MAD2L1BP: variants seen among roughly 807,000 people sequenced by gnomAD.
MAD2L1BP encodes the protein MAD2L1-binding protein.
A neutral mutation model predicts 28.4 loss-of-function variants in MAD2L1BP; 22 were observed. The ratio of observed to expected loss-of-function variants is 0.77; its 90% CI spans 0.55 to 1.10. MAD2L1BP has a LOEUF of 1.10. Among genes scored for constraint, MAD2L1BP ranks in the 50% least tolerant of loss-of-function variants. The probability of loss-of-function intolerance (pLI) is 0.00; values close to 1 mark genes in which losing one functional copy is unlikely to be tolerated. For missense variants in MAD2L1BP, 325 were observed against 350.5 expected (o/e 0.93, Z 0.58); for synonymous variants, 146 against 133.7 (o/e 1.09, Z -0.63).
chr6:43,634,623 C>G (rs1024035989), upstream of MAD2L1BP, among the ~76,000 whole-genome samples: 1 of 151,834 alleles, frequency 6.6e-6, no homozygotes, highest in South Asian at 2.1e-4. Context: ...TATAGTGGTG[C>G]GATCTCAGCT....
At chr6:43,629,774 G>T (rs1266162182) in intron 1 of MAD2L1BP, 1 of 1,563,206 alleles carries the variant, frequency 6.4e-7, no homozygotes. Context: ...GCTGGGGTGA[G>T]TCAGGGCGAA....
intron 2 of MAD2L1BP, among the ~76,000 whole-genome samples, 173 bp from the exon 3 acceptor site, chr6:43,639,848 T>C (rs919149902): frequency 2.6e-5 from 4 of 152,240 alleles, no homozygotes; most frequent in Non-Finnish European, 4.4e-5. Flanking sequence ...ATAATATATT[T>C]TCCTTTTCAG....
chr6:43,637,090 GTCTC>G (rs565947778), intron 2 of MAD2L1BP, among the ~76,000 whole-genome samples: 1 of 151,626 alleles, frequency 6.6e-6, no homozygotes. Context: ...TTGAGACAGA[GTCTC>G]TCTCTTGTTG....
Position 43,635,853 on chromosome 6 carries a change from G to A in MAD2L1BP, c.-23G>A, listed in dbSNP as rs1415363154. The stretch of plus-strand genomic sequence containing the variant: ...CGCGAGACCTTTATTCTAACCGCAA[G>A]GAGTAGCGGAGGGGAGGTCGTGATG... On this transcript the variant is annotated 5_prime_UTR_variant, in exon 1 of 3. Coordinates refer to ENST00000372171, the MANE Select transcript of MAD2L1BP (RefSeq NM_014628.3). 3.1e-5 allele frequency: 46 copies of A among 1,467,262 alleles called. No individual in the cohort carries two copies. Among genetic ancestry groups the A allele is most frequent in the Non-Finnish European group, 3.8e-5 (42 of 1,114,818 alleles). The allele number at this position is 1,467,262 out of a possible 1,614,324, so 90.9% of individuals were successfully genotyped here.
At chr6:43,633,360 C>T (rs1474819058), upstream of MAD2L1BP, 4 of 310,574 alleles carry the variant, frequency 1.3e-5, no homozygotes, top group African/African-American at 4.6e-5. Context: ...TTAGTAGAGA[C>T]GGGGTTTCTC....
At chr6:43,633,172 CTTTTTTT>C (rs547697381), upstream of MAD2L1BP, 7 of 393,638 alleles carry the variant, frequency 1.8e-5, no homozygotes, top group African/African-American at 1.4e-4. Context: ...AATCATTGTA[CTTTTTTT>C]TTTTTTTTTT....
exon 1 of MAD2L1BP, chr6:43,629,625 C>A: frequency 1.0e-6 from 1 of 993,842 alleles, no homozygotes. Flanking sequence ...GCTTTGTGGG[C>A]GCTCCGGGAT....
chr6:43,636,062 G>A, intron 1 of MAD2L1BP, 141 bp downstream of exon 1: 4 of 888,784 alleles, frequency 4.5e-6, no homozygotes, highest in Non-Finnish European at 7.0e-6. Context: ...CTCTGGCTGT[G>A]ACTCCATCGC....
At chr6:43,636,941 G>C (rs1770260054) in intron 2 of MAD2L1BP, 1 of 290,662 alleles carries the variant, frequency 3.4e-6, no homozygotes, top group Admixed American at 4.8e-5. Context: ...GCAGTGGCGA[G>C]ATCTCAGCTC....
chr6:43,634,888 T>C (rs1770116243), upstream of MAD2L1BP, among the ~76,000 whole-genome samples: 1 of 152,116 alleles, frequency 6.6e-6, no homozygotes, highest in Non-Finnish European at 1.5e-5. Context: ...TTCCTCCTCC[T>C]CCTTGTAAAT....
chr6:43,635,289 T>G (rs1770136720), upstream of MAD2L1BP, among the ~76,000 whole-genome samples: 1 of 152,208 alleles, frequency 6.6e-6, no homozygotes, highest in Admixed American at 6.5e-5. Flanking sequence ...GAGTATGCTC[T>G]TGTCTCAAGG....
At chr6:43,639,398 CAA>C (rs1770444100) in intron 2 of MAD2L1BP, among the ~76,000 whole-genome samples, 2 of 152,246 alleles carry the variant, frequency 1.3e-5, no homozygotes, top group African/African-American at 2.4e-5. Flanking sequence ...CTCGGCCTCT[CAA>C]AGTGCTGGGA....
intron 2 of MAD2L1BP, among the ~76,000 whole-genome samples, chr6:43,637,285 G>A (rs555113930): frequency 6.6e-6 from 1 of 151,914 alleles, no homozygotes; most frequent in East Asian, 1.9e-4. Context: ...GGCTGGTCTC[G>A]AACTCCTGAC....
In MAD2L1BP at chr6:43,640,887, A is replaced by G. The variant is rs1770521093; in HGVS notation, c.*354A>G. ...TCCTTTCAGAATTTTTACCAGGAAC[A>G]TAATGTGGATGTGACTTATGAACTT... On this transcript the variant is annotated 3_prime_UTR_variant, in exon 3 of 3. Transcript: ENST00000372171. 1 of 237,836 alleles carries G rather than the reference A, an allele frequency of 4.2e-6. No individual in the cohort carries two copies. The highest frequency in any genetic ancestry group is 1.8e-4 in the South Asian group (1 of 5,660). The allele number at this position is 237,836 out of a possible 1,614,324, so 14.7% of individuals were successfully genotyped here.
upstream of MAD2L1BP, among the ~76,000 whole-genome samples, chr6:43,635,316 G>A (rs962506711): frequency 2.0e-5 from 3 of 152,126 alleles, no homozygotes; most frequent in Admixed American, 6.5e-5. Flanking sequence ...GGAGCACTAG[G>A]CCCTCCTCTT....
upstream of MAD2L1BP, chr6:43,633,299 A>C (rs1170016781): frequency 2.9e-5 from 11 of 374,592 alleles, no homozygotes; most frequent in African/African-American, 2.4e-4. Context: ...CAGCCTCCCA[A>C]GTAGCTGAGA....
At chr6:43,630,125 A>G (rs1477780829) in intron 1 of MAD2L1BP, among the ~76,000 whole-genome samples, 2 of 152,196 alleles carry the variant, frequency 1.3e-5, no homozygotes, top group African/African-American at 2.4e-5. Flanking sequence ...GGTTACACCA[A>G]CCACCACGAG....
At chr6:43,636,951 C>T (rs1323019150) in intron 2 of MAD2L1BP, 2 of 250,638 alleles carry the variant, frequency 8.0e-6, no homozygotes, top group Non-Finnish European at 1.5e-5. Flanking sequence ...GATCTCAGCT[C>T]ACTGCAACCT....
At chr6:43,636,848 G>A (rs2127862129) in intron 2 of MAD2L1BP, 1 of 620,318 alleles carries the variant, frequency 1.6e-6, no homozygotes, top group Admixed American at 3.0e-5. Context: ...TGAAACTCAC[G>A]TGTTGCATTT....
Sources: allele counts gnomAD v4.1 joint callset (sites outside exome capture counted in the v4.1 genomes callset), GRCh38; gene constraint gnomAD v4.1.1; transcripts MANE v1.5; gene names NCBI Gene and HGNC (gene_info 2026-07-23, HGNC 2026-07-21).